The following TASOR2 variants were observed in gnomAD, a reference collection of about 807,000 sequenced individuals.
TASOR2 encodes the protein protein TASOR 2.
TASOR2 carries 84 observed loss-of-function variants against 199.5 expected under a neutral mutation model. The observed-to-expected ratio is 0.42, with a 90% CI of 0.35 to 0.50. The LOEUF is 0.50. Among genes scored for constraint, TASOR2 ranks in the 20% least tolerant of loss-of-function variants. The pLI is 0.02. For synonymous variants in TASOR2, 1,103 were observed against 1,046.6 expected, an observed-to-expected ratio of 1.05 and a Z score of -1.04; for missense variants, 2,796 against 2,835.9, an observed-to-expected ratio of 0.99 and a Z score of 0.32.
exon 19 of TASOR2, chr10:5,761,383 T>G (rs761036278): frequency 1.1e-5 from 18 of 1,614,068 alleles, no homozygotes; most frequent in Non-Finnish European, 1.5e-5. Context: ...AGTGTGACTC[T>G]CGATCATCAA....
Position 5,752,614 on chromosome 10 carries a change from G to T in TASOR2, c.6606+2587G>T, listed in dbSNP as rs1005219771. ...AGTTACTTAGTAATGAAGGACACGT[G>T]TCCCTTATTGTCACAGTGTCCCCTG... On this transcript the variant is annotated intron_variant, in intron 15 of 20. Transcript: ENST00000328090. The surrounding 1 kb of genome is among the most constrained non-coding windows in gnomAD (Gnocchi z 4.4). 2.0e-5 allele frequency among the ~76,000 whole-genome samples: 3 copies of T among 152,234 alleles called. No individual in the cohort carries two copies. The highest frequency in any genetic ancestry group is 4.4e-5 in the Non-Finnish European group (3 of 68,038).
At chr10:5,726,129 T>G (rs1036334392) in intron 8 of TASOR2, among the ~76,000 whole-genome samples, 3 of 152,204 alleles carry the variant, frequency 2.0e-5, no homozygotes, top group Admixed American at 2.0e-4. Flanking sequence ...TAATATTGGA[T>G]TTTATCTTTT....
chr10:5,724,646 TAGATAG>T (rs1833812629), intron 8 of TASOR2, 113 bp downstream of exon 9: 2 of 188,560 alleles, frequency 1.1e-5, no homozygotes, highest in Non-Finnish European at 2.2e-5. Context: ...GATAGATAGA[TAGATAG>T]ATATAGATAT....
rs766461284 is a variant in TASOR2, at chr10:5,749,093, C to T, written c.5672C>T (p.Thr1891Met). ...TCTAGCTGGGTTCCAGGCATGGAGA[C>T]GAGCCTCCCTCCCGGGCACTGGACT... Residue 1891 changes from threonine to methionine, a missense_variant, in exon 15 of 21, where the codon ACG (threonine) becomes ATG (methionine). Transcript: ENST00000328090. 6.8e-6 allele frequency: 11 copies of T among 1,613,926 alleles called. No individual in the cohort carries two copies. The highest frequency in any genetic ancestry group is 2.7e-5 in the African/African-American group (2 of 74,882).
rs1367452169 is a variant in TASOR2, at chr10:5,730,520, C to T, written c.521C>T (p.Ser174Leu). 1.9e-6 allele frequency: 3 copies of T among 1,609,556 alleles called. No homozygotes were observed. The East Asian group carries it at 6.7e-5, about 36-fold the overall frequency. ...GATTTGAAAGTTGAAGATGACATCT[C>T]AATGAAGGTGATACCTATTTTATCT... Residue 174 changes from serine (S) to leucine (L), a missense_variant, in exon 11 of 21, where the codon TCA becomes TTA. Physicochemically the swap from Ser to Leu is moderately radical, Grantham distance 145. Around this residue, in one of 3 missense-constraint regions of TASOR2, gnomAD observed 847 missense variants for 887.4 expected, o/e 0.95. Transcript: ENST00000328090. This position sits in a 1 kb window ranked among gnomAD's most constrained non-coding sequence, Gnocchi z 4.1.
intron 18 of TASOR2, 25 bp from the exon 20 acceptor site, chr10:5,761,265 T>A: frequency 1.3e-6 from 2 of 1,574,648 alleles, no homozygotes; most frequent in South Asian, 2.3e-5. Flanking sequence ...AAAAATATTT[T>A]AATATGCCTA....
chr10:5,697,836 T>C (rs1837342103), intron 1 of TASOR2, among the ~76,000 whole-genome samples: 1 of 152,224 alleles, frequency 6.6e-6, no homozygotes, highest in Non-Finnish European at 1.5e-5. Flanking sequence ...AAATAGTATG[T>C]ACAGCATCCA....
At chr10:5,747,303 C>A (rs1564346851) in exon 15 of TASOR2, 2 of 1,614,136 alleles carry the variant, frequency 1.2e-6, no homozygotes, top group Non-Finnish European at 1.7e-6. Context: ...CTACAAGTCC[C>A]AGAGAAGAAA....
chr10:5,734,716 ATTTTTTTTTT>A (rs140600979), intron 11 of TASOR2, among the ~76,000 whole-genome samples: 5 of 54,146 alleles, frequency 9.2e-5, no homozygotes, highest in Admixed American at 3.0e-4. Context: ...GGTTATGAAG[ATTTTTTTTTT>A]TTTTTTTTTT....
At chr10:5,762,147 T>A (rs1048044473) in intron 19 of TASOR2, among the ~76,000 whole-genome samples, 7 of 151,430 alleles carry the variant, frequency 4.6e-5, no homozygotes, top group African/African-American at 1.7e-4. Context: ...GTGCCTATAG[T>A]CCTAGCTACT....
chr10:5,725,244 A>T (rs1446699284), intron 8 of TASOR2, among the ~76,000 whole-genome samples: 1 of 152,018 alleles, frequency 6.6e-6, no homozygotes. Flanking sequence ...CTAAAAAATT[A>T]TCTGGGTGTG....
At chr10:5,727,034 T>C in intron 9 of TASOR2, 27 bp from the exon 11 acceptor site, 1 of 1,614,042 alleles carries the variant, frequency 6.2e-7, no homozygotes, top group Non-Finnish European at 8.5e-7. Flanking sequence ...ACCTAACTTT[T>C]CTTCTTCTGA....
exon 15 of TASOR2, chr10:5,747,401 A>G (rs760933319): frequency 6.2e-7 from 1 of 1,614,180 alleles, no homozygotes; most frequent in South Asian, 1.1e-5. Flanking sequence ...GGTGAACCGG[A>G]AGAGGTGGCT....
At chr10:5,703,188 A>G (rs904949358) in intron 1 of TASOR2, among the ~76,000 whole-genome samples, 4 of 152,306 alleles carry the variant, frequency 2.6e-5, no homozygotes, top group East Asian at 3.9e-4. Flanking sequence ...ATAATTAACT[A>G]GAAGATCATA....
intron 1 of TASOR2, among the ~76,000 whole-genome samples, chr10:5,707,726 T>TCTCACACA (rs1210876073): frequency 1.5e-5 from 2 of 129,112 alleles, no homozygotes; most frequent in African/African-American, 6.3e-5. Flanking sequence ...TCACTCATTT[T>TCTCACACA]CACACACACA....
At chr10:5,688,809 GCCT>G (rs1836090386) in intron 1 of TASOR2, among the ~76,000 whole-genome samples, 1 of 151,674 alleles carries the variant, frequency 6.6e-6, no homozygotes, top group Admixed American at 6.6e-5. Flanking sequence ...TTTGAGACCA[GCCT>G]GGGCAACATA....
intron 14 of TASOR2, chr10:5,744,083 A>G (rs575337286): frequency 4.4e-4 from 67 of 152,352 alleles, no homozygotes; most frequent in African/African-American, 1.6e-3. Flanking sequence ...TAGTAAAAAT[A>G]TATCGAAATA....
At chr10:5,734,375 T>G (rs1293756565) in intron 11 of TASOR2, among the ~76,000 whole-genome samples, 1 of 152,032 alleles carries the variant, frequency 6.6e-6, no homozygotes, top group Admixed American at 6.6e-5. Context: ...TTCCTCAGGC[T>G]TCCCAGAGCG....
At chr10:5,723,688 T>C in exon 7 of TASOR2, 1 of 1,582,556 alleles carries the variant, frequency 6.3e-7, no homozygotes, top group South Asian at 1.2e-5. Flanking sequence ...CCGCAGGAAC[T>C]AGATTTTAAA....
Sources: gnomAD v4.1 joint callset for allele counts (sites outside exome capture counted in the v4.1 genomes callset) on GRCh38, gnomAD v4.1.1 for gene constraint, gnomAD v4.1.1 regional missense constraint, Gnocchi (gnomAD v3.1) non-coding constraint, MANE v1.5 for transcripts, NCBI Gene and HGNC (gene_info 2026-07-23, HGNC 2026-07-21) for gene names.